Variants in NFIA observed in about 807,000 individuals in gnomAD.
NFIA encodes nuclear factor I A, also known as nuclear factor 1 A-type.
Under a neutral mutation model 62.8 loss-of-function variants are expected in NFIA, and 8 were observed. The ratio of observed to expected loss-of-function variants is 0.13; its 90% CI spans 0.07 to 0.23. The LOEUF is 0.23. NFIA is among the 10% of genes least tolerant of loss of function. NFIA has a pLI of 1.00. For missense variants in NFIA, 410 were observed against 642.1 expected (o/e 0.64, Z 3.91); for synonymous variants, 235 against 238.1 (o/e 0.99, Z 0.12).
intron 10 of NFIA, among the ~76,000 whole-genome samples, chr1:61,447,825 G>C (rs1424380345): frequency 6.6e-6 from 1 of 152,140 alleles, no homozygotes; most frequent in Non-Finnish European, 1.5e-5. Context: ...CCAGAGTCGT[G>C]CTTCATTAGA....
chr1:61,337,899 T>A (rs934158071), intron 4 of NFIA, among the ~76,000 whole-genome samples: 3 of 152,220 alleles, frequency 2.0e-5, no homozygotes, highest in Admixed American at 1.3e-4. Context: ...AAAGTTCTCC[T>A]GAAAAATCCA....
At chr1:61,316,897 G>C (rs1037222810) in intron 3 of NFIA, among the ~76,000 whole-genome samples, 2 of 152,182 alleles carry the variant, frequency 1.3e-5, no homozygotes, top group Admixed American at 6.6e-5. Flanking sequence ...GACGGAAGGA[G>C]CTAAAGTGTG....
intron 10 of NFIA, among the ~76,000 whole-genome samples, chr1:61,441,820 T>C (rs1231294277): frequency 6.6e-6 from 1 of 152,176 alleles, no homozygotes; most frequent in African/African-American, 2.4e-5. Context: ...TATCTCTTAT[T>C]TGGCCTCTTC....
chr1:61,420,298 G>C (rs569123056), intron 9 of NFIA, among the ~76,000 whole-genome samples: 1 of 151,664 alleles, frequency 6.6e-6, no homozygotes, highest in South Asian at 2.1e-4. Flanking sequence ...AGTTGTAATG[G>C]TTTCATATAG....
intron 3 of NFIA, among the ~76,000 whole-genome samples, chr1:61,288,046 C>CTTG (rs1399131035): frequency 2.0e-5 from 3 of 152,172 alleles, no homozygotes; most frequent in African/African-American, 7.2e-5. Flanking sequence ...CAATAAACCA[C>CTTG]TTGTGAGGCA....
At chr1:61,301,843 G>GTCA (rs1051862481) in intron 3 of NFIA, among the ~76,000 whole-genome samples, 15 of 152,294 alleles carry the variant, frequency 9.8e-5, no homozygotes, top group Admixed American at 6.5e-4. Flanking sequence ...TTCAAGGGGA[G>GTCA]TGAAATGGTA....
chr1:61,427,450 C>T (rs978862194), intron 10 of NFIA, among the ~76,000 whole-genome samples: 1 of 152,108 alleles, frequency 6.6e-6, no homozygotes, highest in Non-Finnish European at 1.5e-5. Flanking sequence ...AGGTTCTTAG[C>T]GCGGTGTTTG....
At chr1:61,389,235 A>T (rs937754700) in intron 7 of NFIA, among the ~76,000 whole-genome samples, 1 of 152,192 alleles carries the variant, frequency 6.6e-6, no homozygotes, top group African/African-American at 2.4e-5. Flanking sequence ...AGGTCACAGC[A>T]TGGGCGCTGC....
rs533419390 is a variant in NFIA, at chr1:61,451,085, C to T, written c.1513-4218C>T. On this transcript the variant is annotated intron_variant, in intron 10 of 10. Transcript: ENST00000403491. ...TTCTGATTGCTCTCTGTGAGGCGTA[C>T]GAAATGGAAGAGATTGGCACCGTCA... 6.6e-5 allele frequency among the ~76,000 whole-genome samples: 10 copies of T among 152,178 alleles called. No individual in the cohort carries two copies. The South Asian group carries it at 1.0e-3, about 16-fold the overall frequency.
intron 10 of NFIA, among the ~76,000 whole-genome samples, chr1:61,454,998 A>G (rs980257613): frequency 2.0e-5 from 3 of 152,192 alleles, no homozygotes; most frequent in Non-Finnish European, 4.4e-5. Context: ...CTGCCCTCCT[A>G]TAACTGCCCC....
chr1:61,117,385 G>A (rs1408242980), intron 2 of NFIA, among the ~76,000 whole-genome samples: 1 of 151,994 alleles, frequency 6.6e-6, no homozygotes, highest in Non-Finnish European at 1.5e-5. Context: ...TGTGATATAG[G>A]ATTAACTTGG....
intron 3 of NFIA, among the ~76,000 whole-genome samples, chr1:61,318,296 G>A (rs1365404988): frequency 6.6e-6 from 1 of 152,138 alleles, no homozygotes; most frequent in Non-Finnish European, 1.5e-5. Flanking sequence ...AGTTTTACAA[G>A]CAATGGTAAT....
intron 6 of NFIA, among the ~76,000 whole-genome samples, chr1:61,363,462 C>G (rs4915738): frequency 0.83 from 125,754 of 152,004 alleles, 52,127 homozygotes; most frequent in East Asian, 0.95. Context: ...AAATTAGCTG[C>G]GCATGGTGCT....
intron 10 of NFIA, among the ~76,000 whole-genome samples, chr1:61,442,771 T>C (rs150945881): frequency 2.0e-5 from 3 of 152,338 alleles, no homozygotes; most frequent in East Asian, 1.9e-4. Flanking sequence ...TTATCTCTTA[T>C]GCAAATTATC....
chr1:61,453,271 C>A (rs936669297), intron 10 of NFIA, among the ~76,000 whole-genome samples: 7 of 151,992 alleles, frequency 4.6e-5, no homozygotes, highest in Middle Eastern at 3.4e-3. Context: ...TCTGGTTGCT[C>A]TTAGCAACCA....
At chr1:61,178,262 T>C (rs1302538449) in intron 2 of NFIA, among the ~76,000 whole-genome samples, 2 of 152,184 alleles carry the variant, frequency 1.3e-5, no homozygotes, top group Non-Finnish European at 1.5e-5. Context: ...TTGTGCTTGG[T>C]TAAATAAAAA....
intron 2 of NFIA, among the ~76,000 whole-genome samples, chr1:61,260,491 G>A (rs1570469674): frequency 6.6e-6 from 1 of 152,234 alleles, no homozygotes; most frequent in Admixed American, 6.5e-5. Context: ...ACTCACAGTA[G>A]TGCTTGGCAC....
intron 2 of NFIA, among the ~76,000 whole-genome samples, chr1:61,185,050 T>G (rs1463179182): frequency 6.6e-6 from 1 of 152,248 alleles, no homozygotes; most frequent in Non-Finnish European, 1.5e-5. Flanking sequence ...GGTTTTAATG[T>G]CTAAGGATAG....
chr1:61,269,939 T>C (rs1252982414), intron 2 of NFIA, among the ~76,000 whole-genome samples: 5 of 152,206 alleles, frequency 3.3e-5, no homozygotes, highest in Non-Finnish European at 7.3e-5. Flanking sequence ...AAGTGTTGCC[T>C]GATAAACAGA....
Sources: allele counts gnomAD v4.1 joint callset (sites outside exome capture counted in the v4.1 genomes callset), GRCh38; gene constraint gnomAD v4.1.1; transcripts MANE v1.5; gene names NCBI Gene and HGNC (gene_info 2026-07-23, HGNC 2026-07-21).